CASP9: variants seen among roughly 807,000 people sequenced by gnomAD.
The protein encoded by CASP9 is caspase 9.
In CASP9, 29 loss-of-function variants were observed where a neutral mutation model predicts 43.5. The ratio of observed to expected loss-of-function variants is 0.67; its 90% CI spans 0.50 to 0.91. CASP9 has a LOEUF of 0.91. Among genes scored for constraint, CASP9 ranks in the 40% least tolerant of loss-of-function variants. CASP9 has a pLI of 0.00. For synonymous variants in CASP9, 206 were observed against 211.9 expected (o/e 0.97, Z 0.24); for missense variants, 575 against 537.4 (o/e 1.07, Z -0.69).
intron 6 of CASP9, among the ~76,000 whole-genome samples, 168 bp downstream of exon 6, chr1:15,504,443 G>C (rs1175327735): frequency 6.6e-6 from 1 of 152,220 alleles, no homozygotes; most frequent in African/African-American, 2.4e-5. Flanking sequence ...GACAGAGCAG[G>C]GCCTGCTCCA....
Position 15,491,587 on chromosome 1 carries a change from G to A in CASP9, c.*1356C>T. ...AGCCTGAGTAACATGGCATAACTCTGTCTCTACTAAAAATACAAAAATTAA... is the reference window on the plus strand; with the variant it reads ...AGCCTGAGTAACATGGCATAACTCTATCTCTACTAAAAATACAAAAATTAA... On this transcript the variant is annotated 3_prime_UTR_variant, in exon 9 of 9. Coordinates refer to ENST00000333868, the MANE Select transcript of CASP9 (RefSeq NM_001229.5). The A allele has an allele frequency of 5.0e-6, 2 of 402,064 alleles. No homozygotes were observed. The highest frequency in any genetic ancestry group is 4.6e-6 in the Non-Finnish European group (1 of 217,762). 24.9% of individuals were successfully genotyped at this position (402,064 alleles called of 1,614,324 possible).
upstream of CASP9, chr1:15,524,316 G>A (rs1454825411): frequency 4.0e-5 from 55 of 1,384,060 alleles, no homozygotes; most frequent in Middle Eastern, 1.5e-3. Flanking sequence ...TCACGGCCCC[G>A]GGTCAGTCTT....
chr1:15,522,093 C>G (rs1291890937), intron 1 of CASP9, among the ~76,000 whole-genome samples: 5 of 152,168 alleles, frequency 3.3e-5, no homozygotes, highest in Non-Finnish European at 1.5e-5. Flanking sequence ...TGCATTGTTT[C>G]ATCTTTTTCT....
chr1:15,508,643 G>A (rs1269646535), intron 2 of CASP9, among the ~76,000 whole-genome samples: 1 of 152,076 alleles, frequency 6.6e-6, no homozygotes, highest in Non-Finnish European at 1.5e-5. Flanking sequence ...TCAAACTCTT[G>A]ACCTCAGTTG....
intron 4 of CASP9, among the ~76,000 whole-genome samples, chr1:15,506,645 G>A (rs896829725): frequency 6.6e-6 from 1 of 152,162 alleles, no homozygotes; most frequent in African/African-American, 2.4e-5. Context: ...CAAGGAGGCA[G>A]GTACTATTCC....
chr1:15,493,984 C>T lies in CASP9; in HGVS notation c.1066G>A (p.Asp356Asn), dbSNP rs747365178. The change falls in exon 8 of 9, where the codon GAC becomes AAC. Residue 356 changes from aspartate to asparagine, a missense_variant. Transcript: ENST00000333868. The stretch of plus-strand genomic sequence containing the variant: ...ACGTACCAGGAGCCACTCTTGGGGT[C>T]CCTCCAGGAAACAAAACCTTTGGAG... ...STFPGFVSWR[D>N]PKSGSWYVET... 2 of 1,596,212 alleles carry T rather than the reference C, an allele frequency of 1.3e-6. No homozygotes were observed. Among genetic ancestry groups the T allele is most frequent in the Non-Finnish European group, 1.7e-6 (2 of 1,171,072 alleles).
At position 15,495,417 on chromosome 1, in the gene CASP9, A is replaced by C. The variant is rs1193161150; in HGVS notation, c.904T>G (p.Ser302Ala). 1 of 1,604,786 alleles carries C rather than the reference A, an allele frequency of 6.2e-7. No homozygotes were observed. The highest frequency in any genetic ancestry group is 1.1e-5 in the South Asian group (1 of 89,210). The part of the protein sequence containing the change: ...KDHGFEVAST[S>A]PEDESPGSNP... ...CTGCCAGGGGACTCGTCTTCAGGGG[A>C]AGTGGAGGCCACCTCAAACCCATGG... Residue 302 changes from serine to alanine, a missense_variant, in exon 7 of 9, where the codon TCC becomes GCC. Ser to Ala is a moderately conservative substitution (Grantham distance 99, BLOSUM62 1). Transcript: ENST00000333868.
rs1211524119 is a variant in CASP9 at position 15,492,861 on chromosome 1, A to C, written c.*82T>G. The C allele has an allele frequency of 6.4e-7, 1 of 1,563,368 alleles. No individual in the cohort carries two copies. The highest frequency in any genetic ancestry group is 8.6e-7 in the Non-Finnish European group (1 of 1,162,000). ...GGCTGCAAAGTCCTTGAGTTGCAGG[A>C]AAGTCCAGGCCTCAGCCTCTTTCAG... On this transcript the variant is annotated 3_prime_UTR_variant, in exon 9 of 9. Transcript: ENST00000333868.
At chr1:15,508,894 A>T (rs1709627086) in intron 2 of CASP9, among the ~76,000 whole-genome samples, 1 of 152,240 alleles carries the variant, frequency 6.6e-6, no homozygotes, top group Non-Finnish European at 1.5e-5. Flanking sequence ...ACAAGACAGT[A>T]AAGAAGTAGG....
At chr1:15,522,208 G>C (rs1469133223) in intron 1 of CASP9, among the ~76,000 whole-genome samples, 1 of 152,192 alleles carries the variant, frequency 6.6e-6, no homozygotes, top group African/African-American at 2.4e-5. Context: ...TGGCTCATTG[G>C]TTGTGGTTTT....
At chr1:15,521,460 C>T (rs1286031146) in intron 1 of CASP9, among the ~76,000 whole-genome samples, 2 of 152,164 alleles carry the variant, frequency 1.3e-5, no homozygotes, top group Non-Finnish European at 2.9e-5. Context: ...TCCTCCCGTA[C>T]TCCTGGTTCC....
In CASP9 at chr1:15,493,898, C is replaced by T. The variant is rs139525345; in HGVS notation, c.1152G>A (p.Leu384=). Residue 384 remains leucine, a synonymous_variant, in exon 8 of 9, where the codon CTG becomes CTA. Coordinates refer to ENST00000333868, the MANE Select transcript of CASP9 (RefSeq NM_001229.5). ...WAHSEDLQSL[L]LRVANAVSVK... ...AGAGGAAGGCAGCACTCACCCTAAG[C>T]AGGAGGGACTGCAGGTCTTCAGAGT... 4 of 1,593,862 alleles carry T rather than the reference C, an allele frequency of 2.5e-6. No individual in the cohort carries two copies. Among genetic ancestry groups the T allele is most frequent in the Non-Finnish European group, 1.7e-6 (2 of 1,169,136 alleles).
upstream of CASP9, chr1:15,524,771 C>T: frequency 3.0e-6 from 3 of 1,010,446 alleles, no homozygotes; most frequent in Non-Finnish European, 3.5e-6. Context: ...GCGTCACCGC[C>T]CACTCCCCGG....
rs1204470990 is a variant in CASP9, at chr1:15,507,914, A to T, written c.419-7T>A. 6.2e-7 allele frequency: 1 copy of T among 1,613,992 alleles called. No homozygotes were observed. Among genetic ancestry groups the T allele is most frequent in the Non-Finnish European group, 8.5e-7 (1 of 1,179,982 alleles). On this transcript the variant is annotated splice_region_variant and splice_polypyrimidine_tract_variant and intron_variant, in intron 2 of 8. Coordinates refer to ENST00000333868, the MANE Select transcript of CASP9 (RefSeq NM_001229.5). ...CTCAAACTCTCAAGAGCACCTGAAG[A>T]GGCAGAGAAAGAGAGAAACATGAAT...
intron 2 of CASP9, among the ~76,000 whole-genome samples, chr1:15,513,219 T>C (rs550984334): frequency 1.3e-5 from 2 of 152,128 alleles, no homozygotes; most frequent in East Asian, 3.9e-4. Context: ...TATGTGCCAT[T>C]AATCATTAGC....
chr1:15,496,961 G>A (rs1386828815), intron 6 of CASP9, among the ~76,000 whole-genome samples: 1 of 152,108 alleles, frequency 6.6e-6, no homozygotes, highest in African/African-American at 2.4e-5. Context: ...GCTGCAGTGT[G>A]CAGTGATCGC....
In CASP9 at chr1:15,494,016, G is replaced by C. The variant is rs1252992200; in HGVS notation, c.1049-15C>G. 3 of 1,566,012 alleles carry C rather than the reference G, an allele frequency of 1.9e-6. No homozygotes were observed. Among genetic ancestry groups the C allele is most frequent in the Non-Finnish European group, 2.6e-6 (3 of 1,157,092 alleles). On this transcript the variant is annotated splice_polypyrimidine_tract_variant and intron_variant, in intron 7 of 8. Transcript: ENST00000333868. ...GGAAACAAAACCTTTGGAGGGAGGA[G>C]GGCTGAACACTGCTGGAGAGCCACC...
In CASP9 at chr1:15,518,356, G is replaced by C; in HGVS notation, c.172C>G (p.Leu58Val). The change falls in exon 2 of 9, where the codon CTG (leucine) becomes GTG (valine). Residue 58 changes from leucine (L) to valine (V), a missense_variant. Transcript: ENST00000333868. ...SGSRRDQARQLIIDLETRGSQ... is the reference protein window; with the variant it reads ...SGSRRDQARQVIIDLETRGSQ... ...CCTCGAGTCTCCAGATCTATGATCA[G>C]CTGCCTGGCCTGATCCCGCCGAGAT... 1.2e-6 allele frequency: 2 copies of C among 1,613,890 alleles called. No homozygotes were observed. The highest frequency in any genetic ancestry group is 1.3e-5 in the African/African-American group (1 of 75,044).
chr1:15,494,247 A>G (rs190159165), intron 7 of CASP9, among the ~76,000 whole-genome samples: 294 of 152,284 alleles, frequency 1.9e-3, no homozygotes, highest in Non-Finnish European at 3.5e-3. Context: ...TGGAAAAGTC[A>G]AGTGACTCAT....
Sources: allele counts gnomAD v4.1 joint callset (sites outside exome capture counted in the v4.1 genomes callset), GRCh38; gene constraint gnomAD v4.1.1; transcripts MANE v1.5; gene names NCBI Gene and HGNC (gene_info 2026-07-23, HGNC 2026-07-21).